The following FKBP8 variants were observed in gnomAD, a reference collection of about 807,000 sequenced individuals.
FKBP8 encodes the protein FKBP prolyl isomerase 8.
FKBP8 carries 5 observed loss-of-function variants against 41.7 expected under a neutral mutation model. That is an observed-to-expected ratio of 0.12 (90% CI 0.06 to 0.25). The LOEUF (loss-of-function observed/expected upper bound fraction) is 0.25, where lower values mean the gene tolerates loss of function less well. Among genes scored for constraint, FKBP8 ranks in the 10% least tolerant of loss-of-function variants. The probability of loss-of-function intolerance (pLI) is 1.00; values close to 1 mark genes in which losing one functional copy is unlikely to be tolerated. For synonymous variants in FKBP8, 279 were observed against 254.5 expected, an observed-to-expected ratio of 1.10 and a Z score of -0.92; for missense variants, 397 against 563.0, an observed-to-expected ratio of 0.71 and a Z score of 2.98.
In FKBP8 at chr19:18,538,370, G is replaced by T; in HGVS notation, c.618C>A (p.Asp206Glu). 6.2e-7 allele frequency: 1 copy of T among 1,613,598 alleles called. No homozygotes were observed. The highest frequency in any genetic ancestry group is 1.3e-5 in the African/African-American group (1 of 75,052). ...CCGTGAGCATCTCCAGGTCAGGCCCGTCCACAGCCGTCTTCAGGGTCACCT... is the reference window on the plus strand; with the variant it reads ...CCGTGAGCATCTCCAGGTCAGGCCCTTCCACAGCCGTCTTCAGGGTCACCT... ...CLEVTLKTAV[D>E]GPDLEMLTGQ... The change falls in exon 5 of 9, where the codon GAC becomes GAA. Residue 206 changes from aspartate to glutamate, a missense_variant. By Grantham distance (45) the Asp-to-Glu change is conservative (BLOSUM62 2). Around this residue, in one of 2 missense-constraint regions of FKBP8, gnomAD observed 225 missense variants for 366.8 expected, o/e 0.61. Coordinates refer to ENST00000608443, the MANE Select transcript of FKBP8 (RefSeq NM_012181.5). This position sits in a 1 kb window ranked among gnomAD's most constrained non-coding sequence, Gnocchi z 4.0.
chr19:18,532,992 C>A (rs1279848229), intron 7 of FKBP8, 197 bp from the exon 8 acceptor site: 11 of 897,074 alleles, frequency 1.2e-5, no homozygotes, highest in South Asian at 1.8e-5. Context: ...GCGCAGAGCA[C>A]AAGGTAGCCA....
chr19:18,542,007 G>A lies in FKBP8; in HGVS notation c.-25-12C>T, dbSNP rs1445839025. 3.1e-6 allele frequency: 5 copies of A among 1,601,130 alleles called. No homozygotes were observed. In the East Asian group the frequency reaches 9.0e-5, roughly 29 times the overall value. On this transcript the variant is annotated splice_polypyrimidine_tract_variant and intron_variant, in intron 1 of 8. Transcript: ENST00000608443. ...GACAGGAATTGGCCCTGGAAGTGGG[G>A]GGCAGAGATGTGGGTCAGAATCCTA...
Position 18,538,280 on chromosome 19 carries a change from C to A in FKBP8, c.708G>T (p.Ala236=). 1.2e-6 allele frequency: 2 copies of A among 1,613,468 alleles called. No individual in the cohort carries two copies. The highest frequency in any genetic ancestry group is 1.7e-6 in the Non-Finnish European group (2 of 1,179,820). Residue 236 remains alanine, a synonymous_variant, in exon 5 of 9, where the codon GCG becomes GCT. Transcript: ENST00000608443. This position sits in a 1 kb window ranked among gnomAD's most constrained non-coding sequence, Gnocchi z 4.0. ...RECGNAHYQR[A]DFVLAANSYD... ...AGGAGTTGGCGGCCAGGACGAAGTC[C>A]GCCCGCTGGTAGTGGGCGTTGCCGC...
intron 6 of FKBP8, among the ~76,000 whole-genome samples, chr19:18,536,551 C>T (rs1976582713): frequency 6.6e-6 from 1 of 152,132 alleles, no homozygotes; most frequent in Non-Finnish European, 1.5e-5. Context: ...AAGGGGGTCT[C>T]CCTATGTTGC....
Position 18,538,431 on chromosome 19 carries a change from C to T in FKBP8, c.557G>A (p.Ser186Asn). 6.2e-7 allele frequency: 1 copy of T among 1,611,340 alleles called. No homozygotes were observed. The highest frequency in any genetic ancestry group is 8.5e-7 in the Non-Finnish European group (1 of 1,179,706). ...KYCYGPQGSR[S>N]PYIPPHAALC... ...GGCCGCGTGCGGGGGGATGTATGGG[C>T]TCCTGCTAGTTGGGTGGGAGCAGGC... Residue 186 changes from serine to asparagine, a missense_variant, in exon 5 of 9, where the codon AGC becomes AAC. Around this residue, in one of 2 missense-constraint regions of FKBP8, gnomAD observed 225 missense variants for 366.8 expected, o/e 0.61. Transcript: ENST00000608443. The surrounding 1 kb of genome is among the most constrained non-coding windows in gnomAD (Gnocchi z 4.0).
At chr19:18,532,880 TGGGTGGTG>T in intron 7 of FKBP8, 85 bp from the exon 8 acceptor site, 4 of 1,558,838 alleles carry the variant, frequency 2.6e-6, no homozygotes, top group Non-Finnish European at 3.5e-6. Flanking sequence ...CTAGGCTGTT[TGGGTGGTG>T]GGACTGTTGG....
At position 18,538,147 on chromosome 19, in the gene FKBP8, C is replaced by T; in HGVS notation, c.772+69G>A. On this transcript the variant is annotated intron_variant, in intron 5 of 8. Transcript: ENST00000608443. This position sits in a 1 kb window ranked among gnomAD's most constrained non-coding sequence, Gnocchi z 4.0. ...ATTCTGAGTCTGAGGCTCTCTGGGG[C>T]TGGAAGTTTCTGGCACGGAGTGGAC... The T allele has an allele frequency of 6.8e-7, 1 of 1,470,120 alleles. No homozygotes were observed. The highest frequency in any genetic ancestry group is 9.3e-7 in the Non-Finnish European group (1 of 1,076,792). 91.1% of individuals were successfully genotyped at this position (1,470,120 alleles called of 1,614,324 possible).
chr19:18,542,463 A>T (rs186552068), intron 1 of FKBP8: 49 of 174,072 alleles, frequency 2.8e-4, no homozygotes, highest in Admixed American at 2.7e-3. Flanking sequence ...GCCTTAGGGA[A>T]GCCATTTTTA....
chr19:18,540,814 G>A (rs1359248266), intron 2 of FKBP8, among the ~76,000 whole-genome samples: 3 of 151,706 alleles, frequency 2.0e-5, no homozygotes, highest in Non-Finnish European at 4.4e-5. Flanking sequence ...GGAGGTTGCA[G>A]TGAACTGAGA....
chr19:18,533,186 G>T, intron 7 of FKBP8, 84 bp downstream of exon 7: 1 of 1,306,246 alleles, frequency 7.7e-7, no homozygotes, highest in Non-Finnish European at 1.0e-6. Flanking sequence ...ACACAACAGA[G>T]AGCCACAGCA....
At chr19:18,541,049 G>A (rs1976687241) in intron 2 of FKBP8, among the ~76,000 whole-genome samples, 1 of 151,956 alleles carries the variant, frequency 6.6e-6, no homozygotes, top group Admixed American at 6.6e-5. Context: ...TGGTATATTA[G>A]ATATCAGTAC....
In FKBP8 at chr19:18,541,827, G is replaced by C. The variant is rs140276721; in HGVS notation, c.144C>G (p.Asp48Glu). The change falls in exon 2 of 9, where the codon GAC becomes GAG. Residue 48 changes from aspartate to glutamate, a missense_variant. Physicochemically the swap from Asp to Glu is conservative, Grantham distance 45. Coordinates refer to ENST00000608443, the MANE Select transcript of FKBP8 (RefSeq NM_012181.5). ...CCTCCAGCGGTGGCAGCTCACTCAG[G>C]TCATCCTCTTCCTCCTCTTCCTCCT... is the stretch of plus-strand genomic sequence containing the variant. ...EEEEEEEEEDDLSELPPLEDM... is the reference protein window; with the variant it reads ...EEEEEEEEEDELSELPPLEDM... 24 of 1,613,524 alleles carry C rather than the reference G, an allele frequency of 1.5e-5. No homozygotes were observed. The African/African-American group carries it at 2.5e-4, about 17-fold the overall frequency.
intron 6 of FKBP8, among the ~76,000 whole-genome samples, chr19:18,536,971 A>G (rs1023226062): frequency 2.0e-5 from 3 of 152,142 alleles, no homozygotes; most frequent in Non-Finnish European, 4.4e-5. Context: ...TCAAGGCCCC[A>G]AGGGCTGTGA....
Position 18,541,686 on chromosome 19 carries a change from G to A in FKBP8, c.285C>T (p.Asp95=). ...APAPAPEEWL[D]ILGNGLLRKK... ...TCCACCTTTGCTCCTTACCCAGAAT[G>A]TCCAGCCACTCTTCTGGGGCCGGGG... is the stretch of plus-strand genomic sequence containing the variant. Residue 95 remains aspartate (D), a synonymous_variant, in exon 2 of 9, where the codon GAC becomes GAT. Transcript: ENST00000608443. 6.2e-7 allele frequency: 1 copy of A among 1,606,938 alleles called. No individual in the cohort carries two copies. Among genetic ancestry groups the A allele is most frequent in the South Asian group, 1.1e-5 (1 of 90,128 alleles).
rs746290859 is a variant in FKBP8 at position 18,541,830 on chromosome 19, ATCCTCTTCC to A, written c.132_140del (p.Glu44_Glu46del). Reference sequence around the variant, plus strand: ...CCAGCGGTGGCAGCTCACTCAGGTCATCCTCTTCCTCCTCTTCCTCCTCCTCTTCCTCCT... The same window carrying A: ...CCAGCGGTGGCAGCTCACTCAGGTCATCCTCTTCCTCCTCCTCTTCCTCCT... On this transcript the variant is annotated inframe_deletion, in exon 2 of 9. Transcript: ENST00000608443. 77 of 1,613,536 alleles carry A rather than the reference ATCCTCTTCC, an allele frequency of 4.8e-5. No homozygotes were observed. Among genetic ancestry groups the A allele is most frequent in the Middle Eastern group, 1.6e-4 (1 of 6,062 alleles).
intron 1 of FKBP8, chr19:18,542,926 G>A (rs1338202940): frequency 7.8e-7 from 1 of 1,275,448 alleles, no homozygotes; most frequent in African/African-American, 1.6e-5. Context: ...CACTTTGAGA[G>A]ACCCTCCCAG....
intron 6 of FKBP8, among the ~76,000 whole-genome samples, chr19:18,534,744 A>G (rs1976531344): frequency 6.6e-6 from 1 of 151,388 alleles, no homozygotes; most frequent in Non-Finnish European, 1.5e-5. Flanking sequence ...ACCATGTCCA[A>G]CGAATTATTT....
chr19:18,538,414 G>A lies in FKBP8; in HGVS notation c.574C>T (p.His192Tyr), dbSNP rs762172427. The A allele has an allele frequency of 1.2e-6, 2 of 1,612,594 alleles. No homozygotes were observed. The highest frequency in any genetic ancestry group is 2.2e-5 in the South Asian group (2 of 91,000). ...QGSRSPYIPP[H>Y]AALCLEVTLK... is the part of the protein sequence containing the mutation. ...GTCACCTCCAGGCACAGGGCCGCGT[G>A]CGGGGGGATGTATGGGCTCCTGCTA... The change falls in exon 5 of 9, where the codon CAC becomes TAC. Residue 192 changes from histidine to tyrosine, a missense_variant. Physicochemically the swap from His to Tyr is moderately conservative, Grantham distance 83. Transcript: ENST00000608443. The surrounding 1 kb of genome is among the most constrained non-coding windows in gnomAD (Gnocchi z 4.0).
chr19:18,534,090 G>A (rs118126615), intron 6 of FKBP8, among the ~76,000 whole-genome samples: 1 of 150,946 alleles, frequency 6.6e-6, no homozygotes, highest in African/African-American at 2.4e-5. Flanking sequence ...CGGATCAAGA[G>A]GTCAGGACGT....
Sources: gnomAD v4.1 joint callset for allele counts (sites outside exome capture counted in the v4.1 genomes callset) on GRCh38, gnomAD v4.1.1 for gene constraint, gnomAD v4.1.1 regional missense constraint, Gnocchi (gnomAD v3.1) non-coding constraint, MANE v1.5 for transcripts, NCBI Gene and HGNC (gene_info 2026-07-23, HGNC 2026-07-21) for gene names.